The following GNAL variants were observed in gnomAD, a reference collection of about 807,000 sequenced individuals.
GNAL encodes the protein G protein subunit alpha L.
In GNAL, 18 loss-of-function variants were observed where a neutral mutation model predicts 55.1. The observed-to-expected ratio is 0.33, with a 90% CI of 0.23 to 0.48. The LOEUF is 0.48. Ranked by LOEUF, GNAL falls within the 20% of genes least tolerant of loss-of-function variation. The pLI is 0.99. For missense variants in GNAL, 412 were observed against 614.1 expected (o/e 0.67, Z 3.48); for synonymous variants, 253 against 237.0 (o/e 1.07, Z -0.62).
intron 5 of GNAL, among the ~76,000 whole-genome samples, chr18:11,840,966 C>G (rs2035601488): frequency 6.6e-6 from 1 of 151,572 alleles, no homozygotes; most frequent in Non-Finnish European, 1.5e-5. Flanking sequence ...CTGGACCTCC[C>G]AGGCTCAAGT....
At position 11,883,970 on chromosome 18, in the gene GNAL, T is replaced by A. The variant is rs1304991200; in HGVS notation, c.*2835T>A. On this transcript the variant is annotated 3_prime_UTR_variant, in exon 12 of 12. Coordinates refer to ENST00000334049, the MANE Select transcript of GNAL (RefSeq NM_182978.4). The stretch of plus-strand genomic sequence containing the variant: ...CCTCCCAAAGTGCTGGGATTACAGG[T>A]GTGAGCCACTGTGCCCGGCCACATC... 1.3e-5 allele frequency: 2 copies of A among 153,578 alleles called. No individual in the cohort carries two copies. The highest frequency in any genetic ancestry group is 2.0e-4 in the South Asian group (1 of 4,968). The allele number at this position is 153,578 out of a possible 1,614,324, so 9.5% of individuals were successfully genotyped here.
intron 4 of GNAL, among the ~76,000 whole-genome samples, chr18:11,781,613 TTAAC>T (rs1412403009): frequency 6.6e-6 from 1 of 152,234 alleles, no homozygotes; most frequent in Non-Finnish European, 1.5e-5. Flanking sequence ...AAGGAACAAA[TTAAC>T]AAATTACTGA....
chr18:11,857,649 A>ACATG (rs2143816160), intron 5 of GNAL: 1 of 985,392 alleles, frequency 1.0e-6, no homozygotes, highest in East Asian at 1.1e-4. Flanking sequence ...ATCACCTGGG[A>ACATG]CATGGTTCAG....
Position 11,884,578 on chromosome 18 carries a change from C to G in GNAL, c.*3443C>G, listed in dbSNP as rs749515863. ...GTAGATGATCAAAACCACATCCTCACGTGGGAGGTAGCACTTGGAGAGGGT... is the reference window on the plus strand; with the variant it reads ...GTAGATGATCAAAACCACATCCTCAGGTGGGAGGTAGCACTTGGAGAGGGT... On this transcript the variant is annotated 3_prime_UTR_variant, in exon 12 of 12. Transcript: ENST00000334049. 32 of 1,613,972 alleles carry G rather than the reference C, an allele frequency of 2.0e-5. No individual in the cohort carries two copies. Among genetic ancestry groups the G allele is most frequent in the Admixed American group, 6.7e-5 (4 of 60,016 alleles).
chr18:11,689,997 G>GGGCGGCGGGCACCGGGGAGC lies in GNAL; in HGVS notation c.376+61_376+80dup, dbSNP rs1199314818. On this transcript the variant is annotated intron_variant, in intron 1 of 11. Coordinates refer to ENST00000334049, the MANE Select transcript of GNAL (RefSeq NM_182978.4). The stretch of plus-strand genomic sequence containing the variant: ...CGGGGACAGCGCGCCGGGCCCGCGG[G>GGGCGGCGGGCACCGGGGAGC]GGCGGCGGGCACCGGGGAGCGGTGG... 0.011 allele frequency: 11,241 copies of GGGCGGCGGGCACCGGGGAGC among 1,042,544 alleles called. 783 individuals carry two copies. In the African/African-American group the frequency reaches 0.12, roughly 11 times the overall value. The allele number at this position is 1,042,544 out of a possible 1,614,324, so 64.6% of individuals were successfully genotyped here. A position where few individuals can be genotyped will look rare whatever the true frequency, so the allele number is the denominator to read the frequency against.
intron 4 of GNAL, among the ~76,000 whole-genome samples, chr18:11,791,873 A>C (rs2034247954): frequency 6.6e-6 from 1 of 151,954 alleles, no homozygotes; most frequent in African/African-American, 2.4e-5. Context: ...CCACATCCAT[A>C]GTGCAGCACT....
At chr18:11,733,292 A>G (rs746351344) in intron 1 of GNAL, among the ~76,000 whole-genome samples, 1 of 152,216 alleles carries the variant, frequency 6.6e-6, no homozygotes, top group Non-Finnish European at 1.5e-5. Context: ...CTCCTGCTAT[A>G]TAAAAGGGTG....
intron 5 of GNAL, among the ~76,000 whole-genome samples, chr18:11,826,745 G>C (rs1277209535): frequency 6.6e-6 from 1 of 152,194 alleles, no homozygotes. Context: ...ACTTAGGGAA[G>C]AGATCCAGCT....
chr18:11,795,106 G>A (rs1032682660), intron 4 of GNAL, among the ~76,000 whole-genome samples: 16 of 152,032 alleles, frequency 1.1e-4, no homozygotes, highest in Non-Finnish European at 1.6e-4. Context: ...ACCTCCCAAA[G>A]TGCTGGGATT....
At chr18:11,759,888 G>C (rs150824712) in intron 4 of GNAL, among the ~76,000 whole-genome samples, 2 of 152,090 alleles carry the variant, frequency 1.3e-5, no homozygotes. Flanking sequence ...GTGGGTTTTC[G>C]TGTGTGTGTC....
chr18:11,773,896 C>T (rs187956791), intron 4 of GNAL, among the ~76,000 whole-genome samples: 13 of 152,316 alleles, frequency 8.5e-5, no homozygotes, highest in Admixed American at 3.3e-4. Flanking sequence ...AGAGTGCAGA[C>T]TTTGCAATTG....
At chr18:11,696,668 C>T (rs1490918805) in intron 1 of GNAL, among the ~76,000 whole-genome samples, 2 of 152,126 alleles carry the variant, frequency 1.3e-5, no homozygotes, top group African/African-American at 4.8e-5. Context: ...TACATGAAGC[C>T]TAATTTCATC....
At chr18:11,742,726 G>T (rs780559888) in intron 1 of GNAL, among the ~76,000 whole-genome samples, 1 of 152,078 alleles carries the variant, frequency 6.6e-6, no homozygotes, top group South Asian at 2.1e-4. Flanking sequence ...CATGTGGTCC[G>T]ACCCCACCAC....
chr18:11,805,806 A>T (rs1297412657), intron 4 of GNAL, among the ~76,000 whole-genome samples: 1 of 152,230 alleles, frequency 6.6e-6, no homozygotes, highest in Admixed American at 6.5e-5. Flanking sequence ...ACTGTGATAC[A>T]CATATGAGTG....
chr18:11,805,102 C>T (rs2034621196), intron 4 of GNAL, among the ~76,000 whole-genome samples: 2 of 139,352 alleles, frequency 1.4e-5, no homozygotes, highest in African/African-American at 5.5e-5. Context: ...AGTACAGGTG[C>T]AATTTGAGTG....
At chr18:11,824,270 G>T (rs370866497) in intron 4 of GNAL, among the ~76,000 whole-genome samples, 11 of 126,724 alleles carry the variant, frequency 8.7e-5, no homozygotes, top group African/African-American at 3.2e-4. Context: ...GATGGGGGGG[G>T]GGTTCAATGA....
At position 11,689,761 on chromosome 18, in the gene GNAL, C is replaced by G; in HGVS notation, c.198C>G (p.Pro66=). Residue 66 remains proline (P), a synonymous_variant, in exon 1 of 12, where the codon CCC becomes CCG. Transcript: ENST00000334049. ...AAGGGAGCCCGGCATGCGCTCGGCCCAAAGCAGACAAGCCGAAGGAGAAGC... is the reference window on the plus strand; with the variant it reads ...AAGGGAGCCCGGCATGCGCTCGGCCGAAAGCAGACAAGCCGAAGGAGAAGC... The part of the protein sequence containing the change: ...GGEGSPACAR[P]KADKPKEKRQ... The G allele has an allele frequency of 6.6e-7, 1 of 1,516,484 alleles. No individual in the cohort carries two copies. The allele number at this position is 1,516,484 out of a possible 1,614,324, so 93.9% of individuals were successfully genotyped here.
In GNAL at chr18:11,872,836, C is replaced by T. The variant is rs1016296968; in HGVS notation, c.1162+438C>T. Among the ~76,000 whole-genome samples, 18 of 152,220 alleles carry T rather than the reference C, an allele frequency of 1.2e-4. 1 individual carries two copies. Among genetic ancestry groups the T allele is most frequent in the Admixed American group, 1.2e-3 (18 of 15,284 alleles). ...GAGAGGAGAGATAGCGTGTTCAAAG[C>T]CACACGGGTAGAGTCATGCAGGCAA... On this transcript the variant is annotated intron_variant, in intron 10 of 11. Transcript: ENST00000334049.
At chr18:11,831,469 C>T (rs938284712) in intron 5 of GNAL, among the ~76,000 whole-genome samples, 15 of 152,210 alleles carry the variant, frequency 9.9e-5, no homozygotes, top group African/African-American at 3.4e-4. Flanking sequence ...CTGTAAAGCA[C>T]CCATGAAAAA....
Sources: allele counts gnomAD v4.1 joint callset (sites outside exome capture counted in the v4.1 genomes callset), GRCh38; gene constraint gnomAD v4.1.1; transcripts MANE v1.5; gene names NCBI Gene and HGNC (gene_info 2026-07-23, HGNC 2026-07-21).